The following DYNC1I1 variants were observed in gnomAD, a reference collection of about 807,000 sequenced individuals.
DYNC1I1 encodes dynein cytoplasmic 1 intermediate chain 1.
Under a neutral mutation model 86.6 loss-of-function variants are expected in DYNC1I1, and 43 were observed. That is an observed-to-expected ratio of 0.50 (90% CI 0.39 to 0.64). The LOEUF is 0.64. DYNC1I1 is among the 30% of genes least tolerant of loss of function. DYNC1I1 has a pLI of 0.00. For missense variants in DYNC1I1, 604 were observed against 788.8 expected, an observed-to-expected ratio of 0.77 and a Z score of 2.81; for synonymous variants, 262 against 283.7, an observed-to-expected ratio of 0.92 and a Z score of 0.77.
chr7:95,969,247 G>A (rs1243130825), intron 6 of DYNC1I1, among the ~76,000 whole-genome samples: 1 of 152,046 alleles, frequency 6.6e-6, no homozygotes, highest in African/African-American at 2.4e-5. Flanking sequence ...GGGCCTGAAA[G>A]ATCTAAGACT....
At chr7:95,786,848 C>T (rs894363998) in intron 1 of DYNC1I1, among the ~76,000 whole-genome samples, 2 of 145,126 alleles carry the variant, frequency 1.4e-5, no homozygotes, top group Admixed American at 6.7e-5. Context: ...GAAATGCGCT[C>T]TGATCTGCTA....
At chr7:95,934,119 A>G (rs1392138516) in intron 6 of DYNC1I1, among the ~76,000 whole-genome samples, 3 of 152,168 alleles carry the variant, frequency 2.0e-5, no homozygotes, top group African/African-American at 4.8e-5. Flanking sequence ...CTGCTGTTCA[A>G]TTTCTTGGAC....
intron 6 of DYNC1I1, among the ~76,000 whole-genome samples, chr7:95,915,944 A>G (rs1396987733): frequency 6.6e-6 from 1 of 152,230 alleles, no homozygotes; most frequent in Non-Finnish European, 1.5e-5. Context: ...TTCAACAACA[A>G]CAAAGTGATC....
chr7:95,864,266 C>T (rs1471101566), intron 5 of DYNC1I1, among the ~76,000 whole-genome samples: 2 of 152,158 alleles, frequency 1.3e-5, no homozygotes, highest in Admixed American at 6.5e-5. Context: ...GAGTAGTTTT[C>T]TTCTTGTGAT....
intron 6 of DYNC1I1, among the ~76,000 whole-genome samples, chr7:95,907,740 G>A (rs116151452): frequency 6.6e-6 from 1 of 150,980 alleles, no homozygotes; most frequent in African/African-American, 2.4e-5. Flanking sequence ...AGACCACAGG[G>A]CAGTCTACTT....
intron 14 of DYNC1I1, among the ~76,000 whole-genome samples, chr7:96,055,205 C>T (rs745605068): frequency 6.6e-6 from 1 of 151,898 alleles, no homozygotes; most frequent in Non-Finnish European, 1.5e-5. Context: ...TTTCCCAACT[C>T]CATTTATTAA....
chr7:96,040,875 A>T (rs1296662754), intron 14 of DYNC1I1, among the ~76,000 whole-genome samples: 1 of 151,814 alleles, frequency 6.6e-6, no homozygotes, highest in African/African-American at 2.4e-5. Flanking sequence ...AGCACACACC[A>T]CCATGCCCAC....
intron 10 of DYNC1I1, among the ~76,000 whole-genome samples, chr7:96,012,063 G>A (rs1162606625): frequency 6.6e-6 from 1 of 152,154 alleles, no homozygotes; most frequent in Non-Finnish European, 1.5e-5. Flanking sequence ...TTGGTGGGAG[G>A]AGGGTTGGGG....
Position 96,048,563 on chromosome 7 carries a change from A to G in DYNC1I1, c.1509+9142A>G, listed in dbSNP as rs376475405. 9.8e-5 allele frequency among the ~76,000 whole-genome samples: 15 copies of G among 152,294 alleles called. No homozygotes were observed. In the East Asian group the frequency reaches 2.9e-3, roughly 29 times the overall value. On this transcript the variant is annotated intron_variant, in intron 14 of 16. Transcript: ENST00000447467. The stretch of plus-strand genomic sequence containing the variant: ...CTGTGTTTTAGAAGCCTTCCAAGTA[A>G]TCCAGATGTTGCTAAAATATAAAGA...
At chr7:95,923,550 C>T (rs1025821168) in intron 6 of DYNC1I1, among the ~76,000 whole-genome samples, 1 of 152,092 alleles carries the variant, frequency 6.6e-6, no homozygotes, top group Non-Finnish European at 1.5e-5. Context: ...ATGTAAGGTA[C>T]TATCCACACG....
intron 7 of DYNC1I1, among the ~76,000 whole-genome samples, chr7:95,978,770 G>C (rs1042747793): frequency 6.6e-6 from 1 of 151,998 alleles, no homozygotes; most frequent in Non-Finnish European, 1.5e-5. Context: ...TATTACAAAT[G>C]ACATCCATAT....
intron 10 of DYNC1I1, among the ~76,000 whole-genome samples, chr7:96,016,886 A>G (rs1584253037): frequency 6.6e-6 from 1 of 152,174 alleles, no homozygotes; most frequent in African/African-American, 2.4e-5. Flanking sequence ...GTCAATGTAC[A>G]GCAGTCTCAG....
chr7:96,055,338 C>G (rs1015243290), intron 14 of DYNC1I1, among the ~76,000 whole-genome samples: 10 of 151,708 alleles, frequency 6.6e-5, no homozygotes, highest in Non-Finnish European at 1.3e-4. Context: ...CAGCAAACAA[C>G]CATGGCATGG....
intron 5 of DYNC1I1, among the ~76,000 whole-genome samples, chr7:95,843,664 G>A (rs1380016078): frequency 1.3e-5 from 2 of 152,012 alleles, no homozygotes; most frequent in African/African-American, 4.8e-5. Context: ...CAAAGCAAAT[G>A]GCAGCAGAGA....
chr7:96,068,381 A>T (rs1790057403), intron 14 of DYNC1I1, among the ~76,000 whole-genome samples: 1 of 152,234 alleles, frequency 6.6e-6, no homozygotes, highest in African/African-American at 2.4e-5. Flanking sequence ...ATCTGTACTC[A>T]TATTAAATAT....
intron 5 of DYNC1I1, among the ~76,000 whole-genome samples, chr7:95,846,612 G>T (rs1405552890): frequency 1.2e-5 from 1 of 85,418 alleles, no homozygotes; most frequent in Non-Finnish European, 3.0e-5. Flanking sequence ...GAACATAAAT[G>T]ATAAATCTCT....
chr7:96,004,259 G>A (rs1794086283), intron 10 of DYNC1I1, among the ~76,000 whole-genome samples: 1 of 152,148 alleles, frequency 6.6e-6, no homozygotes, highest in Non-Finnish European at 1.5e-5. Flanking sequence ...TGAGCAAGAT[G>A]TTGCTTTTAT....
chr7:95,884,193 G>A (rs897997851), intron 6 of DYNC1I1, among the ~76,000 whole-genome samples: 1 of 152,132 alleles, frequency 6.6e-6, no homozygotes, highest in Non-Finnish European at 1.5e-5. Context: ...AAAATGTCTG[G>A]CAATGTTGTA....
At position 95,853,338 on chromosome 7, in the gene DYNC1I1, C is replaced by A. The variant is rs548993656; in HGVS notation, c.375-16545C>A. Among the ~76,000 whole-genome samples the A allele has an allele frequency of 3.3e-5, 5 of 152,206 alleles. 1 individual carries two copies. The highest frequency in any genetic ancestry group is 1.3e-4 in the Admixed American group (2 of 15,280). On this transcript the variant is annotated intron_variant, in intron 5 of 16. Transcript: ENST00000447467. ...TAAGAGTGGATTCCTTATAAAAGGA[C>A]AAGTTCAGCTCCCCTTTGTCTCTCT...
Sources: allele counts gnomAD v4.1 joint callset (sites outside exome capture counted in the v4.1 genomes callset), GRCh38; gene constraint gnomAD v4.1.1; transcripts MANE v1.5; gene names NCBI Gene and HGNC (gene_info 2026-07-23, HGNC 2026-07-21).